Variants in ZNF333 observed in about 807,000 individuals in gnomAD.
The protein encoded by ZNF333 is zinc finger protein 333.
Under a neutral mutation model 76.1 loss-of-function variants are expected in ZNF333, and 61 were observed. The observed-to-expected ratio is 0.80, with a 90% CI of 0.65 to 0.99. ZNF333 has a LOEUF of 0.99. Among genes scored for constraint, ZNF333 ranks in the 50% least tolerant of loss-of-function variants. The pLI is 0.00. For synonymous variants in ZNF333, 284 were observed against 305.0 expected (o/e 0.93, Z 0.72); for missense variants, 717 against 822.4 (o/e 0.87, Z 1.57).
chr19:14,721,047 T>TC lies in ZNF333; in HGVS notation c.*1722_*1723insC. 1 of 814,818 alleles carries TC rather than the reference T, an allele frequency of 1.2e-6. No homozygotes were observed. The highest frequency in any genetic ancestry group is 1.5e-6 in the Non-Finnish European group (1 of 674,634). 50.5% of individuals were successfully genotyped at this position (814,818 alleles called of 1,614,324 possible). A position where few individuals can be genotyped will look rare whatever the true frequency, so the allele number is the denominator to read the frequency against. On this transcript the variant is annotated 3_prime_UTR_variant, in exon 12 of 12. Transcript: ENST00000292530. ...CATTCATTGTAATGATAGTAAATAC[T>TC]TATTTAGAGTTTACTATTAATAGAT...
intron 1 of ZNF333, among the ~76,000 whole-genome samples, chr19:14,692,930 C>T (rs868132829): frequency 6.0e-5 from 9 of 150,736 alleles, no homozygotes; most frequent in African/African-American, 2.0e-4. Context: ...TCAAGCAACT[C>T]TACTGCCTCA....
chr19:14,713,635 T>A (rs923269134), intron 7 of ZNF333, among the ~76,000 whole-genome samples: 1 of 151,994 alleles, frequency 6.6e-6, no homozygotes, highest in Admixed American at 6.6e-5. Context: ...GGGGTTGTGA[T>A]CACTGATCAC....
At chr19:14,697,490 T>C (rs1010765532) in intron 4 of ZNF333, among the ~76,000 whole-genome samples, 3 of 150,856 alleles carry the variant, frequency 2.0e-5, no homozygotes, top group Non-Finnish European at 3.0e-5. Context: ...GTCTCTTGAA[T>C]AGCTGGGACC....
intron 4 of ZNF333, among the ~76,000 whole-genome samples, chr19:14,698,478 G>A (rs1973392385): frequency 6.6e-6 from 1 of 151,922 alleles, no homozygotes. Flanking sequence ...CTGGGAGGTG[G>A]AGGTTGCAGT....
chr19:14,729,419 T>G (rs1463827389), intron 11 of ZNF333, among the ~76,000 whole-genome samples: 1 of 152,036 alleles, frequency 6.6e-6, no homozygotes, highest in Non-Finnish European at 1.5e-5. Context: ...AGTGCAGTGG[T>G]GTGGTCACAG....
intron 4 of ZNF333, among the ~76,000 whole-genome samples, chr19:14,698,429 C>T (rs185357856): frequency 3.5e-4 from 53 of 150,072 alleles, no homozygotes; most frequent in African/African-American, 1.2e-3. Context: ...CCTGTAATCC[C>T]AGCTACTTGG....
At chr19:14,714,303 AACATG>A (rs2042362139) in intron 7 of ZNF333, among the ~76,000 whole-genome samples, 1 of 152,196 alleles carries the variant, frequency 6.6e-6, no homozygotes, top group Non-Finnish European at 1.5e-5. Context: ...GCCCCAATCC[AACATG>A]ACTGTGTCCT....
At chr19:14,726,801 A>G (rs1450539676), downstream of ZNF333, among the ~76,000 whole-genome samples, 4 of 152,084 alleles carry the variant, frequency 2.6e-5, no homozygotes, top group Non-Finnish European at 4.4e-5. Context: ...CACTGTCCAT[A>G]TCTCTACCAG....
chr19:14,690,285 G>A, intron 1 of ZNF333, 135 bp downstream of exon 1: 1 of 152,474 alleles, frequency 6.6e-6, no homozygotes, highest in East Asian at 1.9e-4. Context: ...CCGGCGTGAG[G>A]CCCACACAGT....
At chr19:14,709,809 A>G (rs538920524) in intron 7 of ZNF333, among the ~76,000 whole-genome samples, 13 of 152,370 alleles carry the variant, frequency 8.5e-5, no homozygotes, top group Middle Eastern at 3.4e-3. Context: ...TCCAGCATCC[A>G]GAACTGTTAG....
intron 2 of ZNF333, among the ~76,000 whole-genome samples, chr19:14,694,223 AG>A (rs1347668536): frequency 1.3e-5 from 2 of 152,318 alleles, no homozygotes; most frequent in Admixed American, 1.3e-4. Context: ...CTGTAATCCC[AG>A]CACTTTGGGA....
At chr19:14,717,465 C>G (rs1383677198) in intron 10 of ZNF333, 192 bp from the exon 11 acceptor site, 1 of 582,116 alleles carries the variant, frequency 1.7e-6, no homozygotes, top group Non-Finnish European at 3.1e-6. Context: ...TACATAACTT[C>G]TCATCTAGCC....
chr19:14,729,978 G>T (rs762259845), intron 11 of ZNF333, among the ~76,000 whole-genome samples: 3 of 152,114 alleles, frequency 2.0e-5, no homozygotes, highest in Non-Finnish European at 2.9e-5. Flanking sequence ...TGTCTTGAGA[G>T]AAAGATTTTG....
downstream of ZNF333, among the ~76,000 whole-genome samples, chr19:14,725,279 C>T (rs139970419): frequency 8.5e-3 from 1,301 of 152,236 alleles, 14 homozygotes; most frequent in Non-Finnish European, 0.014. Context: ...CCCCATGATC[C>T]GAATACGTCC....
chr19:14,715,981 C>T (rs974578667), intron 8 of ZNF333, 131 bp from the exon 9 acceptor site: 59 of 1,448,244 alleles, frequency 4.1e-5, no homozygotes, highest in South Asian at 6.6e-5. Context: ...CCAGATTCTG[C>T]GGGATCTCAG....
At chr19:14,723,489 A>G (rs962613818), downstream of ZNF333, among the ~76,000 whole-genome samples, 6 of 152,220 alleles carry the variant, frequency 3.9e-5, no homozygotes, top group East Asian at 1.9e-4. Context: ...GCCCGTGAAC[A>G]TAGTATGTCT....
At chr19:14,730,526 T>C (rs1336174087) in intron 11 of ZNF333, among the ~76,000 whole-genome samples, 2 of 151,968 alleles carry the variant, frequency 1.3e-5, no homozygotes, top group Non-Finnish European at 2.9e-5. Flanking sequence ...TTTTTCTTTG[T>C]CTTCCTCTCT....
chr19:14,715,067 CTA>C, intron 7 of ZNF333: 1 of 259,186 alleles, frequency 3.9e-6, no homozygotes. Context: ...GTGTGCACGT[CTA>C]TATGTCTCTT....
downstream of ZNF333, among the ~76,000 whole-genome samples, chr19:14,722,901 T>C (rs1354515761): frequency 6.6e-6 from 1 of 152,248 alleles, no homozygotes; most frequent in Non-Finnish European, 1.5e-5. Flanking sequence ...TTCTCCTGCC[T>C]CAGCCTCCTG....
Sources: allele counts gnomAD v4.1 joint callset (sites outside exome capture counted in the v4.1 genomes callset), GRCh38; gene constraint gnomAD v4.1.1; transcripts MANE v1.5; gene names NCBI Gene and HGNC (gene_info 2026-07-23, HGNC 2026-07-21).